AFAP1: variants seen among roughly 807,000 people sequenced by gnomAD.
AFAP1 encodes actin filament-associated protein 1.
AFAP1 carries 75 observed loss-of-function variants against 93.9 expected under a neutral mutation model. The ratio of observed to expected loss-of-function variants is 0.80; its 90% CI spans 0.66 to 0.97. The LOEUF is 0.97. AFAP1 is among the 50% of genes least tolerant of loss of function. The pLI is 0.00. For missense variants in AFAP1, 1,201 were observed against 1,050.8 expected, an observed-to-expected ratio of 1.14 and a Z score of -1.98; for synonymous variants, 517 against 430.7, an observed-to-expected ratio of 1.20 and a Z score of -2.48.
intron 9 of AFAP1, among the ~76,000 whole-genome samples, chr4:7,802,803 C>G (rs143215347): frequency 1.3e-5 from 2 of 152,178 alleles, no homozygotes; most frequent in Non-Finnish European, 2.9e-5. Context: ...GCGCCCGCCA[C>G]CACACCTGGC....
chr4:7,841,335 G>A (rs987661168), intron 5 of AFAP1, among the ~76,000 whole-genome samples: 2 of 152,210 alleles, frequency 1.3e-5, no homozygotes, highest in Admixed American at 6.5e-5. Flanking sequence ...CCTGGGGAGG[G>A]AGCTCTGCCT....
At chr4:7,809,929 G>A (rs1023582067) in intron 8 of AFAP1, among the ~76,000 whole-genome samples, 166 bp from the exon 9 acceptor site, 3 of 152,156 alleles carry the variant, frequency 2.0e-5, no homozygotes, top group African/African-American at 7.2e-5. Context: ...TGTGATCACA[G>A]CTCAATGCAG....
At chr4:7,784,375 C>T (rs768369501) in intron 12 of AFAP1, among the ~76,000 whole-genome samples, 4 of 152,262 alleles carry the variant, frequency 2.6e-5, no homozygotes, top group East Asian at 1.9e-4. Flanking sequence ...AAGCTCTCCC[C>T]GCTCCTATGT....
chr4:7,906,442 G>A (rs1242748183), intron 1 of AFAP1, among the ~76,000 whole-genome samples: 2 of 152,182 alleles, frequency 1.3e-5, no homozygotes, highest in African/African-American at 2.4e-5. Flanking sequence ...GCAGAGTTAA[G>A]ACTACAGCAT....
chr4:7,873,260 A>AAAC lies in AFAP1; in HGVS notation c.-2-1181_-2-1180insGTT, dbSNP rs1298171951. Among the ~76,000 whole-genome samples, 81 of 146,094 alleles carry AAAC rather than the reference A, an allele frequency of 5.5e-4. 1 individual carries two copies. The highest frequency in any genetic ancestry group is 7.7e-4 in the Non-Finnish European group (51 of 65,922). The stretch of plus-strand genomic sequence containing the variant: ...TCTGTCTCAAAAAAAAAAAAAAAAA[A>AAAC]ACCCCACTTTCACTTAGGAGTGTCT... On this transcript the variant is annotated intron_variant, in intron 1 of 17. Transcript: ENST00000420658.
intron 15 of AFAP1, chr4:7,773,224 G>C (rs772137437): frequency 5.7e-6 from 4 of 706,740 alleles, no homozygotes; most frequent in Non-Finnish European, 8.9e-6. Context: ...TTGAGGACTC[G>C]GACCAGGAAA....
intron 1 of AFAP1, among the ~76,000 whole-genome samples, chr4:7,926,540 C>T (rs1236148633): frequency 6.6e-6 from 1 of 152,268 alleles, no homozygotes; most frequent in East Asian, 1.9e-4. Flanking sequence ...GTTCCCCACA[C>T]CCTCTACCCA....
chr4:7,769,477 TG>T (rs1303260108), intron 16 of AFAP1, among the ~76,000 whole-genome samples: 1 of 152,202 alleles, frequency 6.6e-6, no homozygotes, highest in Admixed American at 6.5e-5. Flanking sequence ...CGGGGCTCGC[TG>T]GAGAAAAGCA....
intron 1 of AFAP1, among the ~76,000 whole-genome samples, chr4:7,889,516 G>A (rs1199549088): frequency 7.5e-6 from 1 of 132,804 alleles, no homozygotes; most frequent in Non-Finnish European, 1.5e-5. Flanking sequence ...TCGCACCACT[G>A]CACTCCAGCC....
At chr4:7,830,027 G>C (rs1721753930) in intron 6 of AFAP1, among the ~76,000 whole-genome samples, 1 of 152,090 alleles carries the variant, frequency 6.6e-6, no homozygotes, top group African/African-American at 2.4e-5. Context: ...ACAATAAAAT[G>C]TTATAGCCTG....
At chr4:7,797,580 A>G (rs11721583) in intron 10 of AFAP1, among the ~76,000 whole-genome samples, 31,258 of 152,258 alleles carry the variant, frequency 0.21, 4,179 homozygotes, top group Non-Finnish European at 0.3. Context: ...CTAAGTGTCA[A>G]TGATGTTGTC....
chr4:7,927,411 A>G (rs1195288707), intron 1 of AFAP1, among the ~76,000 whole-genome samples: 8 of 152,378 alleles, frequency 5.3e-5, no homozygotes, highest in Admixed American at 2.6e-4. Context: ...AAGGATCACA[A>G]TAATAGAGCT....
chr4:7,773,282 C>G (rs934854838), intron 15 of AFAP1: 4 of 412,842 alleles, frequency 9.7e-6, no homozygotes, highest in African/African-American at 8.2e-5. Context: ...GGCTCTGGGC[C>G]TCAATGTTCT....
chr4:7,854,644 G>A (rs1327029226), intron 4 of AFAP1, among the ~76,000 whole-genome samples: 1 of 152,206 alleles, frequency 6.6e-6, no homozygotes, highest in African/African-American at 2.4e-5. Flanking sequence ...CGGAGACCAC[G>A]CAAAGAAGAT....
chr4:7,793,830 T>C lies in AFAP1; in HGVS notation c.1267-4A>G. On this transcript the variant is annotated splice_polypyrimidine_tract_variant and splice_region_variant and intron_variant, in intron 10 of 17. Transcript: ENST00000420658. ...CCATGTCTTCAGAAGAAGATGCCTG[T>C]TGAAGTGGGAAAAAAGGTAGGCTGT... The C allele has an allele frequency of 6.6e-7, 1 of 1,521,194 alleles. No homozygotes were observed. The highest frequency in any genetic ancestry group is 8.9e-7 in the Non-Finnish European group (1 of 1,118,732). The allele number at this position is 1,521,194 out of a possible 1,614,324, so 94.2% of individuals were successfully genotyped here. A position where few individuals can be genotyped will look rare whatever the true frequency, so the allele number is the denominator to read the frequency against.
intron 1 of AFAP1, among the ~76,000 whole-genome samples, chr4:7,920,104 G>A (rs2385899): frequency 0.065 from 9,943 of 152,114 alleles, 577 homozygotes; most frequent in African/African-American, 0.16. Flanking sequence ...ATGAACATAC[G>A]CGTACATGTA....
intron 17 of AFAP1, among the ~76,000 whole-genome samples, chr4:7,764,214 C>G (rs1714223923): frequency 6.6e-6 from 1 of 152,182 alleles, no homozygotes; most frequent in South Asian, 2.1e-4. Flanking sequence ...GTAACGATTT[C>G]ACTTATGTGA....
chr4:7,843,662 G>A (rs148771432), intron 4 of AFAP1: 62 of 290,494 alleles, frequency 2.1e-4, no homozygotes, highest in African/African-American at 1.0e-3. Flanking sequence ...CTTGCAGGAC[G>A]AGCGCCATCC....
chr4:7,809,986 G>A (rs1577237940), intron 8 of AFAP1, among the ~76,000 whole-genome samples: 1 of 152,074 alleles, frequency 6.6e-6, no homozygotes, highest in Admixed American at 6.6e-5. Context: ...GGCCTCCGGA[G>A]TAGCTGGGAC....
Sources: gnomAD v4.1 joint callset for allele counts (sites outside exome capture counted in the v4.1 genomes callset) on GRCh38, gnomAD v4.1.1 for gene constraint, MANE v1.5 for transcripts, NCBI Gene and HGNC (gene_info 2026-07-23, HGNC 2026-07-21) for gene names.